NTMT1: variants seen among roughly 807,000 people sequenced by gnomAD.
NTMT1 encodes the protein N-terminal Xaa-Pro-Lys N-methyltransferase 1.
In NTMT1, 8 loss-of-function variants were observed where a neutral mutation model predicts 17.5. The ratio of observed to expected loss-of-function variants is 0.46; its 90% CI spans 0.27 to 0.82. The LOEUF (loss-of-function observed/expected upper bound fraction) is 0.82, where lower values mean the gene tolerates loss of function less well. NTMT1 is among the 40% of genes least tolerant of loss of function. The pLI is 0.15. For missense variants in NTMT1, 221 were observed against 303.5 expected (o/e 0.73, Z 2.02); for synonymous variants, 128 against 126.8 (o/e 1.01, Z -0.06).
At chr9:129,623,816 TTCTTTTCTTTTC>T (rs1830812280), upstream of NTMT1, among the ~76,000 whole-genome samples, 1 of 86,632 alleles carries the variant, frequency 1.2e-5, no homozygotes, top group Non-Finnish European at 2.5e-5. Context: ...GTTTCTTTTT[TTCTTTTCTTTTC>T]TTTTTTTTTT....
chr9:129,619,391 A>G, intron 1 of NTMT1: 9 of 712,738 alleles, frequency 1.3e-5, no homozygotes, highest in Middle Eastern at 3.8e-4. Flanking sequence ...ACGGACAGCC[A>G]TATGTAAGGA....
chr9:129,634,442 C>A, intron 3 of NTMT1, 136 bp downstream of exon 3: 1 of 945,222 alleles, frequency 1.1e-6, no homozygotes, highest in Non-Finnish European at 1.5e-6. Context: ...CCCAGGCCCA[C>A]CCCCACCCCG....
chr9:129,622,616 C>A (rs1830767657), upstream of NTMT1, among the ~76,000 whole-genome samples: 1 of 152,108 alleles, frequency 6.6e-6, no homozygotes, highest in Admixed American at 6.6e-5. Context: ...GAAACACACA[C>A]ATATCTATAA....
rs995422237 is a variant in NTMT1, at chr9:129,613,307, T to C, written c.-55+4129T>C. The C allele has an allele frequency of 3.2e-6, 5 of 1,567,188 alleles. No individual in the cohort carries two copies. The African/African-American group carries it at 6.8e-5, about 21-fold the overall frequency. On this transcript the variant is annotated intron_variant, in intron 1 of 3. Coordinates refer to the NTMT1 transcript ENST00000372486. The surrounding 1 kb of genome is among the most constrained non-coding windows in gnomAD (Gnocchi z 6.2). ...GGACTCTGAGTCCCCGGCCCACCCA[T>C]GGCTGGCAGGGCCCTTGAGGACCCA...
chr9:129,625,287 G>C (rs1398662996), upstream of NTMT1, among the ~76,000 whole-genome samples: 1 of 152,210 alleles, frequency 6.6e-6, no homozygotes, highest in African/African-American at 2.4e-5. Flanking sequence ...GCTCATTTCA[G>C]TGGGAATCCC....
chr9:129,623,823 C>CTTTTTTTTTTTT (rs746654555), upstream of NTMT1, among the ~76,000 whole-genome samples: 3 of 107,816 alleles, frequency 2.8e-5, 1 homozygote, highest in Non-Finnish European at 5.4e-5. Context: ...TTTTTCTTTT[C>CTTTTTTTTTTTT]TTTTCTTTTT....
chr9:129,632,945 A>G, intron 2 of NTMT1, 80 bp downstream of exon 2: 1 of 1,459,172 alleles, frequency 6.9e-7, no homozygotes. Context: ...GCCACCTTTT[A>G]CACATGTAAC....
chr9:129,610,210 GGA>G (rs1317984303), intron 1 of NTMT1, among the ~76,000 whole-genome samples: 17 of 112,172 alleles, frequency 1.5e-4, no homozygotes, highest in East Asian at 6.8e-4. Flanking sequence ...GGGGGAGGAG[GGA>G]GGGGGAGGGG....
intron 3 of NTMT1, chr9:129,634,587 T>TA (rs1831403994): frequency 5.1e-6 from 2 of 388,394 alleles, no homozygotes. Context: ...GCCAATAACT[T>TA]ACTGCATTCA....
Position 129,614,773 on chromosome 9 carries a change from A to G in NTMT1, c.-55+5595A>G, listed in dbSNP as rs1035222472. On this transcript the variant is annotated intron_variant, in intron 1 of 3. Transcript: ENST00000372486. This position sits in a 1 kb window ranked among gnomAD's most constrained non-coding sequence, Gnocchi z 4.4. Reference sequence around the variant, plus strand: ...CAAAATTAGCCAGGGGCGGTGGCGCATGCCTGTAATCCCAGGTACTCAGGA... The same window carrying G: ...CAAAATTAGCCAGGGGCGGTGGCGCGTGCCTGTAATCCCAGGTACTCAGGA... Among the ~76,000 whole-genome samples the G allele has an allele frequency of 1.2e-4, 19 of 152,116 alleles. No individual in the cohort carries two copies. The highest frequency in any genetic ancestry group is 4.1e-4 in the African/African-American group (17 of 41,406).
upstream of NTMT1, among the ~76,000 whole-genome samples, chr9:129,625,144 T>C (rs1221113991): frequency 6.6e-6 from 1 of 152,080 alleles, no homozygotes; most frequent in East Asian, 1.9e-4. Flanking sequence ...TCGGAAATGT[T>C]AACAGGCTCT....
intron 1 of NTMT1, among the ~76,000 whole-genome samples, chr9:129,609,567 C>T (rs1333735468): frequency 6.6e-6 from 1 of 151,074 alleles, no homozygotes; most frequent in African/African-American, 2.4e-5. Context: ...CCCCACCCCA[C>T]CCCCGCCAGC....
chr9:129,627,060 T>G (rs959849297), intron 1 of NTMT1, among the ~76,000 whole-genome samples: 2 of 152,182 alleles, frequency 1.3e-5, no homozygotes, highest in Non-Finnish European at 2.9e-5. Flanking sequence ...GAGCCTGGAT[T>G]CCCTCCTTAA....
Position 129,635,386 on chromosome 9 carries a change from C to T in NTMT1, c.594C>T (p.Gly198=), listed in dbSNP as rs1831486466. 9 of 1,613,686 alleles carry T rather than the reference C, an allele frequency of 5.6e-6. No homozygotes were observed. Among genetic ancestry groups the T allele is most frequent in the Non-Finnish European group, 6.8e-6 (8 of 1,180,016 alleles). The change falls in exon 4 of 4, where the codon GGC becomes GGT. Residue 198 remains glycine (G), a synonymous_variant. Coordinates refer to ENST00000372483, the MANE Select transcript of NTMT1 (RefSeq NM_014064.4). ...TCCGCAGGATCATCTGCAGTGCAGG[C>T]CTCAGCCTCCTGGCCGAGGAGAGGC... ...DVVRRIICSA[G]LSLLAEERQE... is the part of the protein sequence containing the mutation.
In NTMT1 at chr9:129,620,893, C is replaced by T. The variant is rs531399812; in HGVS notation, c.-55+11715C>T. 19 of 296,828 alleles carry T rather than the reference C, an allele frequency of 6.4e-5. No individual in the cohort carries two copies. The highest frequency in any genetic ancestry group is 3.1e-4 in the Admixed American group (6 of 19,574). The allele number at this position is 296,828 out of a possible 1,614,324, so 18.4% of individuals were successfully genotyped here. On this transcript the variant is annotated intron_variant, in intron 1 of 3. Transcript: ENST00000372486. This position sits in a 1 kb window ranked among gnomAD's most constrained non-coding sequence, Gnocchi z 5.8. The stretch of plus-strand genomic sequence containing the variant: ...GCCAGGCACGCTGGCCAAGCTTACA[C>T]ATAGACTAGCTGCCATTCTTAGTAT...
chr9:129,618,623 G>A (rs968916697), intron 1 of NTMT1, among the ~76,000 whole-genome samples: 1 of 146,760 alleles, frequency 6.8e-6, no homozygotes, highest in Non-Finnish European at 1.5e-5. Flanking sequence ...TTTGTAGATG[G>A]TTGGTCATTG....
At chr9:129,635,118 A>T in intron 3 of NTMT1, 90 bp from the exon 4 acceptor site, 1 of 1,466,304 alleles carries the variant, frequency 6.8e-7, no homozygotes, top group Non-Finnish European at 9.2e-7. Context: ...GGCACAAATG[A>T]GGGGCTCAGC....
At chr9:129,626,982 T>TG (rs1394221839) in intron 1 of NTMT1, among the ~76,000 whole-genome samples, 1 of 152,108 alleles carries the variant, frequency 6.6e-6, no homozygotes, top group Non-Finnish European at 1.5e-5. Flanking sequence ...AACCGGTGGT[T>TG]GTGGTGTGTA....
chr9:129,621,915 T>G (rs1240174213), upstream of NTMT1, among the ~76,000 whole-genome samples: 1 of 152,200 alleles, frequency 6.6e-6, no homozygotes, highest in Non-Finnish European at 1.5e-5. Context: ...CATCCCTGCC[T>G]GGTGCCTCTC....
Sources: gnomAD v4.1 joint callset for allele counts (sites outside exome capture counted in the v4.1 genomes callset) on GRCh38, gnomAD v4.1.1 for gene constraint, Gnocchi (gnomAD v3.1) non-coding constraint, MANE v1.5 for transcripts, NCBI Gene and HGNC (gene_info 2026-07-23, HGNC 2026-07-21) for gene names.